The following SLC10A6 variants were observed in gnomAD, a reference collection of about 807,000 sequenced individuals.
The protein encoded by SLC10A6 is sodium-dependent organic anion transporter.
In SLC10A6, 27 loss-of-function variants were observed where a neutral mutation model predicts 30.0. The ratio of observed to expected loss-of-function variants is 0.90; its 90% CI spans 0.66 to 1.24. The LOEUF (loss-of-function observed/expected upper bound fraction) is 1.24, where lower values mean the gene tolerates loss of function less well. SLC10A6 is among the 50% of genes most tolerant of loss of function. The probability of loss-of-function intolerance (pLI) is 0.00; values close to 1 mark genes in which losing one functional copy is unlikely to be tolerated. For missense variants in SLC10A6, 439 were observed against 457.0 expected (o/e 0.96, Z 0.36); for synonymous variants, 166 against 173.8 (o/e 0.95, Z 0.36).
At chr4:86,839,696 T>C (rs1746258337) in intron 1 of SLC10A6, among the ~76,000 whole-genome samples, 1 of 152,216 alleles carries the variant, frequency 6.6e-6, no homozygotes, top group African/African-American at 2.4e-5. Context: ...TCATACATAC[T>C]TCACTTGAAA....
chr4:86,827,099 C>T (rs1746011398), intron 4 of SLC10A6, among the ~76,000 whole-genome samples: 1 of 152,228 alleles, frequency 6.6e-6, no homozygotes, highest in Admixed American at 6.5e-5. Context: ...CTGCACCATT[C>T]ATGAGCCAAA....
chr4:86,825,398 T>C, intron 5 of SLC10A6, 22 bp downstream of exon 5: 1 of 1,568,022 alleles, frequency 6.4e-7, no homozygotes, highest in Non-Finnish European at 8.7e-7. Flanking sequence ...AGTTATTTCC[T>C]ACCCAATGGG....
Position 86,848,886 on chromosome 4 carries a change from C to G in SLC10A6, c.230G>C (p.Gly77Ala), listed in dbSNP as rs1203765045. ...GAGATAAGCTGTAAAAGGCATGAGC[C>G]CAAACTGGCAGAGCAGTCCCACAGC... is the stretch of plus-strand genomic sequence containing the variant. The part of the protein sequence containing the change: ...GIAVGLLCQF[G>A]LMPFTAYLLA... Residue 77 changes from glycine (G) to alanine (A), a missense_variant, in exon 1 of 6, where the codon GGG (glycine) becomes GCG (alanine). Coordinates refer to ENST00000273905, the MANE Select transcript of SLC10A6 (RefSeq NM_197965.3). 4.3e-6 allele frequency: 7 copies of G among 1,614,160 alleles called. 1 individual carries two copies. The highest frequency in any genetic ancestry group is 4.2e-6 in the Non-Finnish European group (5 of 1,180,016).
At chr4:86,846,675 G>A (rs1746397123) in intron 1 of SLC10A6, among the ~76,000 whole-genome samples, 5 of 152,130 alleles carry the variant, frequency 3.3e-5, no homozygotes, top group African/African-American at 7.2e-5. Context: ...GCAGCGAGCC[G>A]AGATCGCACC....
chr4:86,841,927 T>C (rs1334193447), intron 1 of SLC10A6, among the ~76,000 whole-genome samples: 1 of 152,218 alleles, frequency 6.6e-6, no homozygotes, highest in African/African-American at 2.4e-5. Context: ...ATATAAATGT[T>C]ACCCTTGTCT....
intron 1 of SLC10A6, among the ~76,000 whole-genome samples, chr4:86,835,042 C>T (rs1746156760): frequency 6.6e-6 from 1 of 152,216 alleles, no homozygotes; most frequent in Non-Finnish European, 1.5e-5. Flanking sequence ...CAGGCCCCAC[C>T]TCCAATACTG....
Position 86,828,179 on chromosome 4 carries a change from C to CA in SLC10A6, c.586-12dup, listed in dbSNP as rs759886611. ...AACAACGGCCCCAATCTGAAGCAAA[C>CA]AATAAAATAAGTGAATATAAACTCA... On this transcript the variant is annotated splice_polypyrimidine_tract_variant and intron_variant, in intron 3 of 5. Transcript: ENST00000273905. 1.9e-6 allele frequency: 3 copies of CA among 1,605,432 alleles called. No homozygotes were observed. The highest frequency in any genetic ancestry group is 2.5e-6 in the Non-Finnish European group (3 of 1,177,364).
chr4:86,830,353 G>A (rs375310039), intron 3 of SLC10A6, among the ~76,000 whole-genome samples: 6 of 152,168 alleles, frequency 3.9e-5, no homozygotes, highest in Non-Finnish European at 5.9e-5. Flanking sequence ...AGCTATGATC[G>A]TGTCATTGCA....
At chr4:86,832,204 G>A (rs550958689) in intron 2 of SLC10A6, among the ~76,000 whole-genome samples, 8 of 152,286 alleles carry the variant, frequency 5.3e-5, no homozygotes, top group East Asian at 1.9e-4. Context: ...GTGGGCTCCC[G>A]CTATTGTGAG....
chr4:86,826,452 G>A (rs1045889854), intron 4 of SLC10A6, among the ~76,000 whole-genome samples: 25 of 151,980 alleles, frequency 1.6e-4, no homozygotes, highest in Admixed American at 7.9e-4. Context: ...GGTGGCACAC[G>A]CTCCTGTAAT....
chr4:86,835,329 A>G (rs1746161384), intron 1 of SLC10A6, among the ~76,000 whole-genome samples: 1 of 152,144 alleles, frequency 6.6e-6, no homozygotes, highest in African/African-American at 2.4e-5. Flanking sequence ...AGACTGAATT[A>G]AGAATTCTGT....
Position 86,842,798 on chromosome 4 carries a change from CTTTCTT to C in SLC10A6, c.377+5935_377+5940del, listed in dbSNP as rs1560461774. Reference sequence around the variant, plus strand: ...AAATGGACACCTCTTTTCTTTCTTTCTTTCTTTCTTTCTTTCTTTCTTTCTTTCTTT... The same window carrying C: ...AAATGGACACCTCTTTTCTTTCTTTCTCTTTCTTTCTTTCTTTCTTTCTTT... On this transcript the variant is annotated intron_variant, in intron 1 of 5. Coordinates refer to ENST00000273905, the MANE Select transcript of SLC10A6 (RefSeq NM_197965.3). Among the ~76,000 whole-genome samples the C allele has an allele frequency of 3.4e-3, 18 of 5,316 alleles. 1 individual carries two copies. The highest frequency in any genetic ancestry group is 4.6e-3 in the Non-Finnish European group (16 of 3,504). The allele number at this position is 5,316 out of a possible 152,430, so 3.5% of individuals were successfully genotyped here.
intron 5 of SLC10A6, among the ~76,000 whole-genome samples, chr4:86,824,154 C>T (rs1165254358): frequency 5.9e-5 from 9 of 151,938 alleles, no homozygotes; most frequent in Admixed American, 5.3e-4. Context: ...CTTACACACT[C>T]ATATATTCAT....
rs1028782576 is a variant in SLC10A6 at position 86,825,608 on chromosome 4, G to A, written c.762-31C>T. 3.9e-5 allele frequency: 60 copies of A among 1,556,022 alleles called. 1 individual carries two copies. Among genetic ancestry groups the A allele is most frequent in the South Asian group, 1.2e-4 (10 of 84,950 alleles). Reference sequence around the variant, plus strand: ...AAAAAGAAAATGTTTCAAGAGTAACGCACTAGCAATAAGAACTATTCTAAT... The same window carrying A: ...AAAAAGAAAATGTTTCAAGAGTAACACACTAGCAATAAGAACTATTCTAAT... On this transcript the variant is annotated intron_variant, in intron 4 of 5. Coordinates refer to ENST00000273905, the MANE Select transcript of SLC10A6 (RefSeq NM_197965.3).
chr4:86,828,443 A>C (rs903630287), intron 3 of SLC10A6, among the ~76,000 whole-genome samples: 1 of 152,016 alleles, frequency 6.6e-6, no homozygotes, highest in Non-Finnish European at 1.5e-5. Flanking sequence ...ATTTTGCCAA[A>C]AGGATTGGGT....
chr4:86,842,815 T>TTTCTTTCC, intron 1 of SLC10A6, among the ~76,000 whole-genome samples: 1 of 35,418 alleles, frequency 2.8e-5, no homozygotes, highest in South Asian at 9.2e-4. Context: ...TCTTTCTTTC[T>TTTCTTTCC]TTCTTTCTTT....
intron 1 of SLC10A6, among the ~76,000 whole-genome samples, chr4:86,838,859 G>T (rs1003638738): frequency 6.8e-6 from 1 of 146,084 alleles, no homozygotes; most frequent in Non-Finnish European, 1.5e-5. Flanking sequence ...GGAGATGGAG[G>T]TTGCAGTGAG....
At chr4:86,827,280 A>G (rs987182215) in intron 4 of SLC10A6, among the ~76,000 whole-genome samples, 2 of 152,186 alleles carry the variant, frequency 1.3e-5, no homozygotes, top group African/African-American at 4.8e-5. Flanking sequence ...TCCTAACTCC[A>G]CAATTTTCTA....
At chr4:86,829,753 T>C (rs1265879181) in intron 3 of SLC10A6, among the ~76,000 whole-genome samples, 2 of 152,066 alleles carry the variant, frequency 1.3e-5, no homozygotes, top group African/African-American at 2.4e-5. Flanking sequence ...TTTTTTTTTT[T>C]ACTAAGGTAG....
Sources: gnomAD v4.1 joint callset for allele counts (sites outside exome capture counted in the v4.1 genomes callset) on GRCh38, gnomAD v4.1.1 for gene constraint, MANE v1.5 for transcripts, NCBI Gene and HGNC (gene_info 2026-07-23, HGNC 2026-07-21) for gene names.